The following TNNT2 variants were observed in gnomAD, a reference collection of about 807,000 sequenced individuals.
TNNT2 encodes troponin T2, cardiac type.
TNNT2 carries 34 observed loss-of-function variants against 62.4 expected under a neutral mutation model. That is an observed-to-expected ratio of 0.54 (90% CI 0.41 to 0.72). The LOEUF (loss-of-function observed/expected upper bound fraction) is 0.72, where lower values mean the gene tolerates loss of function less well. Ranked by LOEUF, TNNT2 falls within the 30% of genes least tolerant of loss-of-function variation. The pLI, the probability that TNNT2 is intolerant of heterozygous loss-of-function variation, is 0.00. For missense variants in TNNT2, 275 were observed against 381.9 expected, an observed-to-expected ratio of 0.72 and a Z score of 2.33; for synonymous variants, 123 against 127.2, an observed-to-expected ratio of 0.97 and a Z score of 0.22.
intron 13 of TNNT2, 148 bp from the exon 14 acceptor site, chr1:201,362,170 T>C (rs1177597936): frequency 2.6e-6 from 3 of 1,166,206 alleles, no homozygotes; most frequent in Non-Finnish European, 3.8e-6. Context: ...AACTACCAAC[T>C]ACATGTATTC....
rs767158813 is a variant in TNNT2, at chr1:201,362,389, G to A, written c.606C>T (p.Ala202=). 6.2e-7 allele frequency: 1 copy of A among 1,613,870 alleles called. No individual in the cohort carries two copies. The highest frequency in any genetic ancestry group is 8.5e-7 in the Non-Finnish European group (1 of 1,179,952). The change falls in exon 13 of 17, where the codon GCC becomes GCT. Residue 202 remains alanine, a synonymous_variant. Coordinates refer to ENST00000656932, the MANE Select transcript of TNNT2 (RefSeq NM_001276345.2). ...MHFGGYIQKQ[A]QTERKSGKRQ... ...GCTTGAGGTTTTTGGTACCCACCTG[G>A]GCCTGCTAAACCGGGAAACCATGAG...
chr1:201,368,966 A>C (rs138017551), intron 5 of TNNT2, among the ~76,000 whole-genome samples: 55 of 152,300 alleles, frequency 3.6e-4, no homozygotes, highest in Middle Eastern at 6.8e-3. Context: ...GTCCTCTCTG[A>C]AGCCTGGAGA....
chr1:201,363,851 A>T (rs1023179936), intron 11 of TNNT2: 2 of 288,444 alleles, frequency 6.9e-6, no homozygotes, highest in Non-Finnish European at 1.3e-5. Context: ...AATGCCCAGC[A>T]CTTCCTAGGT....
Position 201,362,878 on chromosome 1 carries a change from GC to G in TNNT2, c.600+417del, listed in dbSNP as rs1299681261. Among the ~76,000 whole-genome samples, 6 of 152,276 alleles carry G rather than the reference GC, an allele frequency of 3.9e-5. No homozygotes were observed. In the East Asian group the frequency reaches 1.2e-3, roughly 29 times the overall value. ...CATTTGAGCTTCTCAAAGCATCAAG[GC>G]AGGCAATATGAGTGCCAGTTGAGGA... On this transcript the variant is annotated intron_variant, in intron 12 of 16. Coordinates refer to ENST00000656932, the MANE Select transcript of TNNT2 (RefSeq NM_001276345.2).
At chr1:201,373,408 C>T (rs1406186373) in intron 1 of TNNT2, 140 bp from the exon 2 acceptor site, 1 of 768,606 alleles carries the variant, frequency 1.3e-6, no homozygotes, top group East Asian at 2.6e-5. Context: ...TGACCTGCAA[C>T]AAAAAGCCTG....
chr1:201,373,432 T>G, intron 1 of TNNT2, 164 bp from the exon 2 acceptor site: 8 of 685,924 alleles, frequency 1.2e-5, no homozygotes, highest in Non-Finnish European at 1.8e-5. Context: ...TCTCCCCTGC[T>G]GGGGGAGATA....
In TNNT2 at chr1:201,359,187, T is replaced by G; in HGVS notation, c.*23A>C. On this transcript the variant is annotated 3_prime_UTR_variant, in exon 17 of 17. Coordinates refer to ENST00000656932, the MANE Select transcript of TNNT2 (RefSeq NM_001276345.2). ...GAGGCAGGTGCGAGCGAGGAGCAGA[T>G]CTTTGGTGAAGGAGGCCAGGCTCTA... is the stretch of plus-strand genomic sequence containing the variant. 6.2e-7 allele frequency: 1 copy of G among 1,605,770 alleles called. No homozygotes were observed. The highest frequency in any genetic ancestry group is 1.3e-5 in the African/African-American group (1 of 75,000).
chr1:201,368,031 G>A, intron 6 of TNNT2, 131 bp downstream of exon 6: 1 of 1,067,486 alleles, frequency 9.4e-7, no homozygotes, highest in South Asian at 1.3e-5. Context: ...ATCAATGGTT[G>A]AATCTTAGTC....
chr1:201,375,104 C>G (rs571087968), intron 1 of TNNT2: 2 of 152,458 alleles, frequency 1.3e-5, no homozygotes, highest in African/African-American at 4.8e-5. Context: ...ACATCCCCCC[C>G]ATAGTGGCTG....
intron 7 of TNNT2, chr1:201,367,115 AC>A: frequency 1.6e-6 from 1 of 628,608 alleles, no homozygotes; most frequent in Non-Finnish European, 2.8e-6. Context: ...GTGGAACTTC[AC>A]ACAAAGCCTT....
chr1:201,363,730 C>A (rs968363041), intron 11 of TNNT2: 1 of 413,168 alleles, frequency 2.4e-6, no homozygotes, highest in Non-Finnish European at 4.5e-6. Flanking sequence ...TCGGTTCCCA[C>A]GAAGTCTGCA....
In TNNT2 at chr1:201,365,192, A is replaced by G; in HGVS notation, c.410T>C (p.Ile137Thr). The change falls in exon 10 of 17, where the codon ATC becomes ACC. Residue 137 changes from isoleucine to threonine, a missense_variant and splice_region_variant. Transcript: ENST00000656932. ...EEELVSLKDRIERRRAERAEQ... is the reference protein window; with the variant it reads ...EEELVSLKDRTERRRAERAEQ... ...TAGGTGGGCAGACTGGACACCTACGATCCTGTCTTTGAGAGAAACGAGCTC... is the reference window on the plus strand; with the variant it reads ...TAGGTGGGCAGACTGGACACCTACGGTCCTGTCTTTGAGAGAAACGAGCTC... 1 of 1,611,918 alleles carries G rather than the reference A, an allele frequency of 6.2e-7. No homozygotes were observed. The highest frequency in any genetic ancestry group is 1.1e-5 in the South Asian group (1 of 91,042).
At chr1:201,373,361 C>A (rs1196527496) in intron 1 of TNNT2, 93 bp from the exon 2 acceptor site, 3 of 1,136,622 alleles carry the variant, frequency 2.6e-6, no homozygotes, top group Non-Finnish European at 2.7e-6. Flanking sequence ...ATCAGCGAGG[C>A]CTAGGGTGAA....
chr1:201,359,350 G>C, intron 16 of TNNT2, 95 bp from the exon 17 acceptor site: 1 of 1,449,040 alleles, frequency 6.9e-7, no homozygotes, highest in Non-Finnish European at 9.5e-7. Context: ...AAGGGGAGAG[G>C]AGCAGGCTGG....
In TNNT2 at chr1:201,359,116, G is replaced by C; in HGVS notation, c.*94C>G. 1 of 1,508,968 alleles carries C rather than the reference G, an allele frequency of 6.6e-7. No individual in the cohort carries two copies. Among genetic ancestry groups the C allele is most frequent in the Admixed American group, 2.0e-5 (1 of 51,134 alleles). The allele number at this position is 1,508,968 out of a possible 1,614,324, so 93.5% of individuals were successfully genotyped here. A position where few individuals can be genotyped will look rare whatever the true frequency, so the allele number is the denominator to read the frequency against. ...AGCTCCCCATTTCCAAACAGGAGCT[G>C]CCTGGGGTGCCCAGGAGGGCCCGGG... is the stretch of plus-strand genomic sequence containing the variant. On this transcript the variant is annotated 3_prime_UTR_variant, in exon 17 of 17. Coordinates refer to ENST00000656932, the MANE Select transcript of TNNT2 (RefSeq NM_001276345.2).
intron 11 of TNNT2, 129 bp downstream of exon 11, chr1:201,364,169 C>T: frequency 9.6e-7 from 1 of 1,042,354 alleles, no homozygotes. Flanking sequence ...CAGGCGTGAG[C>T]CACCGCACCC....
At chr1:201,373,982 C>T (rs929124906) in intron 1 of TNNT2, 1 of 155,162 alleles carries the variant, frequency 6.4e-6, no homozygotes, top group African/African-American at 2.4e-5. Context: ...AATCAAAGCA[C>T]ACAGCGGGGA....
chr1:201,363,207 C>G, intron 12 of TNNT2, 89 bp downstream of exon 12: 1 of 1,608,844 alleles, frequency 6.2e-7, no homozygotes, highest in Non-Finnish European at 8.5e-7. Flanking sequence ...TTCCTGGGAC[C>G]TGACCTAAAG....
chr1:201,363,480 T>C, intron 11 of TNNT2, 74 bp from the exon 12 acceptor site: 1 of 1,397,622 alleles, frequency 7.2e-7, no homozygotes, highest in Admixed American at 1.7e-5. Flanking sequence ...CTGAAGCTTG[T>C]GGTCTTTATG....
Sources: gnomAD v4.1 joint callset for allele counts (sites outside exome capture counted in the v4.1 genomes callset) on GRCh38, gnomAD v4.1.1 for gene constraint, MANE v1.5 for transcripts, NCBI Gene and HGNC (gene_info 2026-07-23, HGNC 2026-07-21) for gene names.